BEAN1: variants seen among roughly 807,000 people sequenced by gnomAD.
BEAN1 encodes protein BEAN1.
A neutral mutation model predicts 17.7 loss-of-function variants in BEAN1; 17 were observed. The ratio of observed to expected loss-of-function variants is 0.96; its 90% CI spans 0.66 to 1.44. The LOEUF (loss-of-function observed/expected upper bound fraction) is 1.44, where lower values mean the gene tolerates loss of function less well. Among genes scored for constraint, BEAN1 ranks in the 40% most tolerant of loss-of-function variants. The pLI is 0.00. For synonymous variants in BEAN1, 142 were observed against 151.8 expected, an observed-to-expected ratio of 0.94 and a Z score of 0.47; for missense variants, 359 against 374.1, an observed-to-expected ratio of 0.96 and a Z score of 0.33.
intron 2 of BEAN1, among the ~76,000 whole-genome samples, chr16:66,466,702 A>G (rs1009050824): frequency 6.6e-6 from 1 of 152,154 alleles, no homozygotes; most frequent in African/African-American, 2.4e-5. Flanking sequence ...AGTAGCTGGG[A>G]TTACAAGCAC....
chr16:66,449,330 G>A (rs569958465), intron 2 of BEAN1, among the ~76,000 whole-genome samples: 15 of 152,022 alleles, frequency 9.9e-5, no homozygotes, highest in Middle Eastern at 3.4e-3. Context: ...TTCATGGGCC[G>A]GGTGCAGTGG....
intron 2 of BEAN1, among the ~76,000 whole-genome samples, chr16:66,452,786 T>A (rs1962721939): frequency 6.6e-6 from 1 of 151,736 alleles, no homozygotes; most frequent in South Asian, 2.1e-4. Context: ...CGTGGCAGAC[T>A]CACTTACCCC....
chr16:66,489,976 G>A lies in BEAN1; in HGVS notation c.148-2986G>A, dbSNP rs116004722. On this transcript the variant is annotated intron_variant, in intron 4 of 4. Coordinates refer to the BEAN1 transcript ENST00000561796. Reference sequence around the variant, plus strand: ...AGGGAGCAGAGATCCCAGCTGTGACGAGCCCAGGTCTGAGGCAGCTCCAAG... The same window carrying A: ...AGGGAGCAGAGATCCCAGCTGTGACAAGCCCAGGTCTGAGGCAGCTCCAAG... 2.0e-3 allele frequency among the ~76,000 whole-genome samples: 307 copies of A among 152,064 alleles called. 1 individual carries two copies. The highest frequency in any genetic ancestry group is 6.6e-3 in the African/African-American group (274 of 41,476).
chr16:66,460,859 A>T (rs1364474990), intron 2 of BEAN1, among the ~76,000 whole-genome samples: 1 of 152,208 alleles, frequency 6.6e-6, no homozygotes, highest in Non-Finnish European at 1.5e-5. Flanking sequence ...TGACCTTGGG[A>T]AAGTTACTTA....
At chr16:66,451,439 T>C (rs1287146288) in intron 2 of BEAN1, 1 of 152,254 alleles carries the variant, frequency 6.6e-6, no homozygotes, top group East Asian at 1.9e-4. Flanking sequence ...AAAGTTTTTT[T>C]ATTTTAATAT....
In BEAN1 at chr16:66,480,752, G is replaced by A. The variant is rs1963955882; in HGVS notation, c.607G>A (p.Gly203Ser). The change falls in exon 5 of 5, where the codon GGT becomes AGT. Residue 203 changes from glycine to serine, a missense_variant. Gly to Ser is a moderately conservative substitution (Grantham distance 56). Transcript: ENST00000536005. ...HQQEQRTPAQ[G>S]GLHTVSMDTL... Reference sequence around the variant, plus strand: ...GCAGGAGCAGAGGACCCCGGCCCAAGGTGGCCTTCACACGGTCTCCATGGA... The same window carrying A: ...GCAGGAGCAGAGGACCCCGGCCCAAAGTGGCCTTCACACGGTCTCCATGGA... 1 of 1,551,548 alleles carries A rather than the reference G, an allele frequency of 6.4e-7. No individual in the cohort carries two copies. The highest frequency in any genetic ancestry group is 1.4e-5 in the African/African-American group (1 of 73,178).
downstream of BEAN1, chr16:66,483,005 C>T (rs573239013): frequency 1.2e-5 from 5 of 417,644 alleles, no homozygotes; most frequent in East Asian, 1.4e-4. Context: ...TACAGGCATG[C>T]ACCACCATAC....
chr16:66,469,862 T>C lies in BEAN1; in HGVS notation c.286T>C (p.Tyr96His). 1 of 1,530,838 alleles carries C rather than the reference T, an allele frequency of 6.5e-7. No individual in the cohort carries two copies. The highest frequency in any genetic ancestry group is 8.7e-7 in the Non-Finnish European group (1 of 1,145,444). 94.8% of individuals were successfully genotyped at this position (1,530,838 alleles called of 1,614,324 possible). The change falls in exon 3 of 5, where the codon TAC becomes CAC. Residue 96 changes from tyrosine to histidine, a missense_variant. Physicochemically the swap from Tyr to His is moderately conservative, Grantham distance 83. Coordinates refer to ENST00000536005, the MANE Select transcript of BEAN1 (RefSeq NM_001178020.3). ...RRRHREYEHG[Y>H]VSDEHTYSRS... is the part of the protein sequence containing the mutation. ...TCGACACCGAGAGTACGAGCACGGC[T>C]ACGGTGAGCCGCCGCCCACCCTGGG... is the stretch of plus-strand genomic sequence containing the variant.
chr16:66,469,393 G>T (rs916416226), intron 2 of BEAN1, among the ~76,000 whole-genome samples: 10 of 152,186 alleles, frequency 6.6e-5, no homozygotes, highest in African/African-American at 9.7e-5. Flanking sequence ...GGGACAGTCA[G>T]CCCTCACTAC....
rs144695537 is a variant in BEAN1 at position 66,459,854 on chromosome 16, C to A, written c.26-9748C>A. 2.0e-3 allele frequency among the ~76,000 whole-genome samples: 307 copies of A among 152,318 alleles called. 3 individuals carry two copies. The highest frequency in any genetic ancestry group is 3.3e-3 in the Non-Finnish European group (223 of 68,022). ...CCAGGACTCTTTAAGTCCTGACTTG[C>A]TCTTCTGGCTGAAAGCACCTACTCT... On this transcript the variant is annotated intron_variant, in intron 2 of 4. Coordinates refer to ENST00000536005, the MANE Select transcript of BEAN1 (RefSeq NM_001178020.3).
intron 2 of BEAN1, among the ~76,000 whole-genome samples, chr16:66,446,262 G>A (rs1254339073): frequency 1.3e-5 from 2 of 152,144 alleles, no homozygotes; most frequent in Non-Finnish European, 2.9e-5. Flanking sequence ...GGTTCATAGT[G>A]GAAGTGTCAA....
intron 3 of BEAN1, among the ~76,000 whole-genome samples, chr16:66,470,563 G>C (rs1223268960): frequency 1.3e-5 from 2 of 152,276 alleles, no homozygotes; most frequent in East Asian, 3.9e-4. Context: ...TAAGTGAATG[G>C]GTGAATTTAT....
At chr16:66,436,467 A>G (rs1962026800) in intron 1 of BEAN1, among the ~76,000 whole-genome samples, 1 of 144,694 alleles carries the variant, frequency 6.9e-6, no homozygotes, top group African/African-American at 2.6e-5. Context: ...TTTAGTAGAG[A>G]CGGGGTTTCA....
At chr16:66,443,074 A>C (rs796942687) in intron 2 of BEAN1, among the ~76,000 whole-genome samples, 15 of 152,244 alleles carry the variant, frequency 9.9e-5, no homozygotes, top group African/African-American at 3.6e-4. Context: ...CAATTGTAGC[A>C]CTCTTTCCCA....
In BEAN1 at chr16:66,473,647, C is replaced by T. The variant is rs375984683; in HGVS notation, c.289+3782C>T. Among the ~76,000 whole-genome samples the T allele has an allele frequency of 2.6e-5, 4 of 151,834 alleles. No homozygotes were observed. The highest frequency in any genetic ancestry group is 7.3e-5 in the African/African-American group (3 of 41,296). On this transcript the variant is annotated intron_variant, in intron 3 of 4. Coordinates refer to ENST00000536005, the MANE Select transcript of BEAN1 (RefSeq NM_001178020.3). The surrounding 1 kb of genome is among the most constrained non-coding windows in gnomAD (Gnocchi z 4.5). ...AGGGGTTTCAGGCTGCAGTGAGCTA[C>T]GATCACACCATTGCACTCCAGCCTG...
downstream of BEAN1, among the ~76,000 whole-genome samples, chr16:66,493,773 C>T (rs1964210662): frequency 6.6e-6 from 1 of 152,200 alleles, no homozygotes; most frequent in Non-Finnish European, 1.5e-5. Context: ...CTGGAGCTGG[C>T]CAGCCCCAGA....
In BEAN1 at chr16:66,469,619, A is replaced by G. The variant is rs1195323517; in HGVS notation, c.43A>G (p.Thr15Ala). The G allele has an allele frequency of 2.6e-6, 4 of 1,535,836 alleles. No homozygotes were observed. Among genetic ancestry groups the G allele is most frequent in the Non-Finnish European group, 3.5e-6 (4 of 1,146,806 alleles). Residue 15 changes from threonine to alanine, a missense_variant, in exon 3 of 5, where the codon ACC (threonine) becomes GCC (alanine). Coordinates refer to ENST00000536005, the MANE Select transcript of BEAN1 (RefSeq NM_001178020.3). ...GTCCACAGTAGCACGATACAACCGC[A>G]CCAGCTACTTCTACCCCACATTCTC... ...RPCPLARYNR[T>A]SYFYPTFSES...
At position 66,437,693 on chromosome 16, in the gene BEAN1, C is replaced by T. The variant is rs936331258; in HGVS notation, c.17C>T (p.Pro6Leu). 2.0e-6 allele frequency: 3 copies of T among 1,535,982 alleles called. No individual in the cohort carries two copies. The highest frequency in any genetic ancestry group is 1.7e-6 in the Non-Finnish European group (2 of 1,146,796). MSFKRPCPLARYNRTS... is the reference protein window; with the variant it reads MSFKRLCPLARYNRTS... Reference sequence around the variant, plus strand: ...AAGGATTACATGTCCTTCAAACGTCCCTGCCCCTGTAAGTTTCCTCCCCAC... The same window carrying T: ...AAGGATTACATGTCCTTCAAACGTCTCTGCCCCTGTAAGTTTCCTCCCCAC... The change falls in exon 2 of 5, where the codon CCC becomes CTC. Residue 6 changes from proline to leucine, a missense_variant. Physicochemically the swap from Pro to Leu is moderately conservative, Grantham distance 98. Coordinates refer to ENST00000536005, the MANE Select transcript of BEAN1 (RefSeq NM_001178020.3).
intron 2 of BEAN1, among the ~76,000 whole-genome samples, chr16:66,454,236 C>T (rs1962784568): frequency 6.6e-6 from 1 of 152,184 alleles, no homozygotes; most frequent in Admixed American, 6.5e-5. Flanking sequence ...GTGAAGGCTT[C>T]TATGAATGTC....
Sources: allele counts gnomAD v4.1 joint callset (sites outside exome capture counted in the v4.1 genomes callset), GRCh38; gene constraint gnomAD v4.1.1; non-coding constraint Gnocchi (gnomAD v3.1); transcripts MANE v1.5; gene names NCBI Gene and HGNC (gene_info 2026-07-23, HGNC 2026-07-21).